ZBTB17: variants seen among roughly 807,000 people sequenced by gnomAD.
ZBTB17 encodes zinc finger and BTB domain-containing protein 17.
Under a neutral mutation model 85.1 loss-of-function variants are expected in ZBTB17, and 24 were observed. That is an observed-to-expected ratio of 0.28 (90% CI 0.20 to 0.40). ZBTB17 has a LOEUF of 0.40. ZBTB17 is among the 10% of genes least tolerant of loss of function. The pLI is 1.00. For synonymous variants in ZBTB17, 464 were observed against 460.2 expected (o/e 1.01, Z -0.11); for missense variants, 743 against 1,105.1 (o/e 0.67, Z 4.65).
At chr1:15,963,797 C>G (rs2072342408) in intron 2 of ZBTB17, among the ~76,000 whole-genome samples, 1 of 152,114 alleles carries the variant, frequency 6.6e-6, no homozygotes, top group Non-Finnish European at 1.5e-5. Context: ...AAATGCTGAA[C>G]TAATGATGCT....
Position 15,944,807 on chromosome 1 carries a change from G to A in ZBTB17, c.960C>T (p.Asn320=). 1.2e-6 allele frequency: 2 copies of A among 1,609,528 alleles called. No homozygotes were observed. The highest frequency in any genetic ancestry group is 1.1e-5 in the South Asian group (1 of 90,424). The stretch of plus-strand genomic sequence containing the variant: ...TGTGGATGCGGATGTGCCGCTTGAA[G>A]TTCCCCGTGTGCGTGAACTCCTTCC... ...DCGKEFTHTG[N]FKRHIRIHTG... The change falls in exon 8 of 16, where the codon AAC becomes AAT. Residue 320 remains asparagine, a synonymous_variant. Transcript: ENST00000375743.
At chr1:15,960,019 C>G (rs1272802880) in intron 2 of ZBTB17, among the ~76,000 whole-genome samples, 1 of 152,180 alleles carries the variant, frequency 6.6e-6, no homozygotes, top group Non-Finnish European at 1.5e-5. Context: ...GGGGACGCCC[C>G]GAGCACCACA....
intron 2 of ZBTB17, among the ~76,000 whole-genome samples, chr1:15,958,141 G>A (rs1349706343): frequency 1.3e-5 from 2 of 152,192 alleles, no homozygotes; most frequent in African/African-American, 2.4e-5. Flanking sequence ...AAATACGAGT[G>A]TGCAATGAGA....
chr1:15,975,914 C>A, intron 1 of ZBTB17, 69 bp downstream of exon 1: 2 of 694,640 alleles, frequency 2.9e-6, no homozygotes, highest in Non-Finnish European at 5.2e-6. Context: ...TCCCACCGCG[C>A]CCCATCCTCC....
In ZBTB17 at chr1:15,943,865, G is replaced by T; in HGVS notation, c.1402C>A (p.His468Asn). 6.2e-7 allele frequency: 1 copy of T among 1,609,056 alleles called. No homozygotes were observed. Among genetic ancestry groups the T allele is most frequent in the Non-Finnish European group, 8.5e-7 (1 of 1,178,140 alleles). The change falls in exon 10 of 16, where the codon CAC becomes AAC. Residue 468 changes from histidine to asparagine, a missense_variant. This residue lies in a region of ZBTB17 where 321 missense variants were observed against 615.7 expected (regional missense o/e 0.52). Transcript: ENST00000375743. Reference sequence around the variant, plus strand: ...CACTTGAGGGGCCCGTCAGCGATGTGGATCTTCAGGTGGGCCTTCAGGTTC... The same window carrying T: ...CACTTGAGGGGCCCGTCAGCGATGTTGATCTTCAGGTGGGCCTTCAGGTTC... The part of the protein sequence containing the change: ...VGNLKAHLKI[H>N]IADGPLKCRE...
chr1:15,970,165 G>A, intron 2 of ZBTB17: 2 of 543,200 alleles, frequency 3.7e-6, no homozygotes, highest in Non-Finnish European at 6.7e-6. Flanking sequence ...TACAATAGTA[G>A]GACTTCTATT....
At chr1:15,961,516 G>A (rs1475331126) in intron 2 of ZBTB17, among the ~76,000 whole-genome samples, 7 of 152,226 alleles carry the variant, frequency 4.6e-5, no homozygotes, top group African/African-American at 1.7e-4. Context: ...AAGACTCAAT[G>A]TCTCAGTTTC....
chr1:15,969,447 T>C (rs943947827), intron 2 of ZBTB17, among the ~76,000 whole-genome samples: 2 of 151,940 alleles, frequency 1.3e-5, no homozygotes, highest in East Asian at 1.9e-4. Flanking sequence ...AACCGGTCCC[T>C]GGTGCCAAAA....
rs1360023092 is a variant in ZBTB17 at position 15,952,620 on chromosome 1, A to G, written c.-2-4123T>C. ...CTGGGACTGTGCCAATTCCAGACCT[A>G]AACCTAAAGAAGCCTGGAAGATTCT... On this transcript the variant is annotated intron_variant, in intron 2 of 15. Transcript: ENST00000375743. The surrounding 1 kb of genome is among the most constrained non-coding windows in gnomAD (Gnocchi z 4.3). Among the ~76,000 whole-genome samples, 2 of 152,234 alleles carry G rather than the reference A, an allele frequency of 1.3e-5. No individual in the cohort carries two copies. Among genetic ancestry groups the G allele is most frequent in the Non-Finnish European group, 2.9e-5 (2 of 68,042 alleles).
intron 1 of ZBTB17, among the ~76,000 whole-genome samples, chr1:15,975,203 C>G (rs2072822302): frequency 6.6e-6 from 1 of 152,244 alleles, no homozygotes; most frequent in Non-Finnish European, 1.5e-5. Context: ...AAACACACAG[C>G]ATTTACTTTG....
chr1:15,951,245 TAAG>T lies in ZBTB17; in HGVS notation c.-2-2751_-2-2749del, dbSNP rs1257718830. 2.2e-5 allele frequency among the ~76,000 whole-genome samples: 3 copies of T among 139,288 alleles called. No homozygotes were observed. Among genetic ancestry groups the T allele is most frequent in the East Asian group, 2.1e-4 (1 of 4,740 alleles). 91.4% of individuals were successfully genotyped at this position (139,288 alleles called of 152,430 possible). ...AAAGGGAAGAAAACAGGAGAAATGA[TAAG>T]AAGGGGGGAGGAAGAAGTGAAGATG... On this transcript the variant is annotated intron_variant, in intron 2 of 15. Coordinates refer to ENST00000375743, the MANE Select transcript of ZBTB17 (RefSeq NM_003443.3). This position sits in a 1 kb window ranked among gnomAD's most constrained non-coding sequence, Gnocchi z 4.1.
At chr1:15,960,579 G>A (rs2072222558) in intron 2 of ZBTB17, among the ~76,000 whole-genome samples, 1 of 152,174 alleles carries the variant, frequency 6.6e-6, no homozygotes, top group Non-Finnish European at 1.5e-5. Flanking sequence ...TACTCCACTC[G>A]ACAGGAATCA....
chr1:15,944,107 C>T (rs866553632), intron 9 of ZBTB17, 193 bp downstream of exon 9: 3 of 1,033,086 alleles, frequency 2.9e-6, no homozygotes, highest in Non-Finnish European at 4.4e-6. Flanking sequence ...CGCCCTGAGT[C>T]GGCCTGCCCT....
chr1:15,961,824 C>T (rs928926809), intron 2 of ZBTB17, among the ~76,000 whole-genome samples: 9 of 152,130 alleles, frequency 5.9e-5, no homozygotes, highest in Non-Finnish European at 7.4e-5. Context: ...GGGATGGAGA[C>T]GGAGGCACAG....
At chr1:15,949,825 C>T (rs2071764588) in intron 2 of ZBTB17, among the ~76,000 whole-genome samples, 1 of 152,216 alleles carries the variant, frequency 6.6e-6, no homozygotes, top group African/African-American at 2.4e-5. Flanking sequence ...CAAGGCCTCC[C>T]ACCACGTGAT....
At position 15,942,049 on chromosome 1, in the gene ZBTB17, G is replaced by A. The variant is rs765734043; in HGVS notation, c.2332C>T (p.Pro778Ser). The A allele has an allele frequency of 1.2e-6, 2 of 1,612,274 alleles. No individual in the cohort carries two copies. The highest frequency in any genetic ancestry group is 2.2e-5 in the East Asian group (1 of 44,880). Residue 778 changes from proline (P) to serine (S), a missense_variant, in exon 16 of 16, where the codon CCT (proline) becomes TCT (serine). Pro to Ser is a moderately conservative substitution (Grantham distance 74, BLOSUM62 -1). Coordinates refer to ENST00000375743, the MANE Select transcript of ZBTB17 (RefSeq NM_003443.3). ...GGCTGGCCCTCAGCCCCGTCGCGAG[G>A]GCGGAAGACCAGCTCCCCAGCCTGC... ...VLQAGELVFR[P>S]RDGAEGQPAL...
At chr1:15,975,104 C>A (rs998611521) in intron 1 of ZBTB17, among the ~76,000 whole-genome samples, 19 of 152,208 alleles carry the variant, frequency 1.2e-4, no homozygotes, top group African/African-American at 4.3e-4. Context: ...GCCCTCGCAG[C>A]AGTATCAGAA....
intron 2 of ZBTB17, among the ~76,000 whole-genome samples, chr1:15,965,045 C>T (rs1033511864): frequency 1.4e-4 from 21 of 149,966 alleles, no homozygotes; most frequent in Admixed American, 6.0e-4. Context: ...ACCTGGGAGG[C>T]GGAGTTTGCA....
Position 15,966,387 on chromosome 1 carries a change from A to G in ZBTB17, c.-3+6652T>C, listed in dbSNP as rs1557794408. The stretch of plus-strand genomic sequence containing the variant: ...GACCTTTCAAGACCAGAAGCTGAGT[A>G]GATTTTTGATGTTACAATGAACCCA... On this transcript the variant is annotated intron_variant, in intron 2 of 15. Transcript: ENST00000375743. This position sits in a 1 kb window ranked among gnomAD's most constrained non-coding sequence, Gnocchi z 4.1. Among the ~76,000 whole-genome samples the G allele has an allele frequency of 6.6e-6, 1 of 151,034 alleles. No individual in the cohort carries two copies. Among genetic ancestry groups the G allele is most frequent in the Non-Finnish European group, 1.5e-5 (1 of 67,504 alleles).
Sources: allele counts gnomAD v4.1 joint callset (sites outside exome capture counted in the v4.1 genomes callset), GRCh38; gene constraint gnomAD v4.1.1; regional missense constraint gnomAD v4.1.1; non-coding constraint Gnocchi (gnomAD v3.1); transcripts MANE v1.5; gene names NCBI Gene and HGNC (gene_info 2026-07-23, HGNC 2026-07-21).